CEP170: variants seen among roughly 807,000 people sequenced by gnomAD.
The protein encoded by CEP170 is centrosomal protein of 170 kDa.
In CEP170, 21 loss-of-function variants were observed where a neutral mutation model predicts 151.9. That is an observed-to-expected ratio of 0.14 (90% CI 0.10 to 0.20). The LOEUF is 0.20. Ranked by LOEUF, CEP170 falls within the 10% of genes least tolerant of loss-of-function variation. The pLI is 1.00. For missense variants in CEP170, 964 were observed against 1,892.9 expected (o/e 0.51, Z 9.11); for synonymous variants, 356 against 648.8 (o/e 0.55, Z 6.86).
At position 243,169,686 on chromosome 1, in the gene CEP170, T is replaced by C. The variant is rs1451313398; in HGVS notation, c.1785A>G (p.Thr595=). 5 of 1,613,608 alleles carry C rather than the reference T, an allele frequency of 3.1e-6. No individual in the cohort carries two copies. In the Admixed American group the frequency reaches 5.0e-5, roughly 16 times the overall value. Residue 595 remains threonine, a synonymous_variant, in exon 12 of 20, where the codon ACA becomes ACG. Coordinates refer to ENST00000366542, the MANE Select transcript of CEP170 (RefSeq NM_014812.3). ...SQWASLAANH[T]RHDQEERIME... ...TTATCCTTTCTTCTTGATCATGCCT[T>C]GTATGATTGGCAGCCAAACTAGCCC... is the stretch of plus-strand genomic sequence containing the variant.
chr1:243,252,245 A>G (rs1417760476), intron 1 of CEP170, among the ~76,000 whole-genome samples: 1 of 152,224 alleles, frequency 6.6e-6, no homozygotes, highest in Non-Finnish European at 1.5e-5. Context: ...TTAGTTAGCA[A>G]TTAAATATCA....
intron 14 of CEP170, among the ~76,000 whole-genome samples, chr1:243,154,709 C>T (rs1393785147): frequency 6.6e-6 from 1 of 152,222 alleles, no homozygotes; most frequent in African/African-American, 2.4e-5. Flanking sequence ...ATAATAGTAA[C>T]ACTATGCACA....
chr1:243,169,131 A>G (rs11583980), intron 12 of CEP170: 2,963 of 155,454 alleles, frequency 0.019, 43 homozygotes, highest in Middle Eastern at 0.027. Context: ...AGTCAAAATC[A>G]TATCTTAAGA....
chr1:243,241,020 C>CA (rs1404631774), intron 1 of CEP170, among the ~76,000 whole-genome samples: 1 of 152,102 alleles, frequency 6.6e-6, no homozygotes, highest in Non-Finnish European at 1.5e-5. Context: ...CAACAAAGTG[C>CA]TTAATATTCC....
At position 243,243,807 on chromosome 1, in the gene CEP170, G is replaced by A. The variant is rs183597889; in HGVS notation, c.-42+11233C>T. The stretch of plus-strand genomic sequence containing the variant: ...TCCCAAAGTATTGAGATCACAGGCA[G>A]GAGCCACCACGCCCGTCCATCATTC... On this transcript the variant is annotated intron_variant, in intron 1 of 19. Transcript: ENST00000366542. Among the ~76,000 whole-genome samples, 127 of 152,058 alleles carry A rather than the reference G, an allele frequency of 8.4e-4. 1 individual carries two copies. The highest frequency in any genetic ancestry group is 1.5e-3 in the Non-Finnish European group (99 of 67,958).
intron 10 of CEP170, among the ~76,000 whole-genome samples, chr1:243,175,409 G>T (rs1205257622): frequency 6.6e-6 from 1 of 152,188 alleles, no homozygotes; most frequent in Non-Finnish European, 1.5e-5. Context: ...TGTTTTGATA[G>T]CGTTTTGAAA....
chr1:243,159,801 G>GTGTGTGTGTGTGTGTGTGTGTT (rs1170946413), intron 13 of CEP170, among the ~76,000 whole-genome samples: 6 of 150,848 alleles, frequency 4.0e-5, no homozygotes, highest in South Asian at 2.1e-4. Context: ...GTGTGTGTGT[G>GTGTGTGTGTGTGTGTGTGTGTT]TTTTTGAGAT....
intron 1 of CEP170, among the ~76,000 whole-genome samples, chr1:243,240,127 A>G (rs775770985): frequency 5.3e-5 from 8 of 152,178 alleles, no homozygotes; most frequent in Admixed American, 1.3e-4. Flanking sequence ...TCTGGCCAAC[A>G]TGGTGAAACC....
intron 7 of CEP170, among the ~76,000 whole-genome samples, chr1:243,195,184 G>C (rs908334429): frequency 7.5e-4 from 113 of 151,540 alleles, no homozygotes; most frequent in Non-Finnish European, 1.0e-3. Context: ...GCTACGACTT[G>C]AAAATTTCCA....
intron 1 of CEP170, among the ~76,000 whole-genome samples, chr1:243,236,257 T>C (rs961625384): frequency 2.6e-5 from 4 of 152,184 alleles, no homozygotes; most frequent in African/African-American, 9.7e-5. Context: ...AGCTACCAAA[T>C]ATGGGGCTTT....
intron 15 of CEP170, chr1:243,140,324 A>C (rs1237545085): frequency 1.9e-5 from 11 of 592,800 alleles, no homozygotes. Flanking sequence ...TTTTATTTTC[A>C]AAATCCAAAA....
At position 243,165,967 on chromosome 1, in the gene CEP170, G is replaced by C; in HGVS notation, c.1993C>G (p.Gln665Glu). ...TGTTTTTCTCCTATCTCTGACCTCT[G>C]TGTTACAACCTTTGCTCTGTGGCTC... Reference protein sequence around the residue: ...LESHRAKVVTQRSEIGEKQDT... With the variant: ...LESHRAKVVTERSEIGEKQDT... The change falls in exon 13 of 20, where the codon CAG (glutamine) becomes GAG (glutamate). Residue 665 changes from glutamine (Q) to glutamate (E), a missense_variant. Gln to Glu is a conservative substitution (Grantham distance 29, BLOSUM62 2). Coordinates refer to ENST00000366542, the MANE Select transcript of CEP170 (RefSeq NM_014812.3). 3.1e-6 allele frequency: 5 copies of C among 1,613,562 alleles called. No individual in the cohort carries two copies. Among genetic ancestry groups the C allele is most frequent in the Non-Finnish European group, 4.2e-6 (5 of 1,179,688 alleles).
chr1:243,192,810 G>A (rs969039933), intron 7 of CEP170, among the ~76,000 whole-genome samples: 1 of 152,172 alleles, frequency 6.6e-6, no homozygotes, highest in Non-Finnish European at 1.5e-5. Context: ...GAATGATATA[G>A]TAACATCTCT....
chr1:243,175,747 C>G (rs899552255), intron 10 of CEP170, among the ~76,000 whole-genome samples: 6 of 152,180 alleles, frequency 3.9e-5, no homozygotes, highest in African/African-American at 1.4e-4. Context: ...TACCAACTAT[C>G]TAGACTGTTG....
chr1:243,178,786 T>C (rs1332258334), intron 10 of CEP170, among the ~76,000 whole-genome samples: 1 of 152,032 alleles, frequency 6.6e-6, no homozygotes, highest in African/African-American at 2.4e-5. Flanking sequence ...TGGCACAATC[T>C]TGGCTCACTG....
At chr1:243,219,620 C>T (rs1028089483) in intron 3 of CEP170, among the ~76,000 whole-genome samples, 9 of 152,146 alleles carry the variant, frequency 5.9e-5, no homozygotes, top group African/African-American at 1.7e-4. Context: ...ATGTAATTCC[C>T]GCTGCTTATT....
At chr1:243,203,438 G>A (rs1222966273) in intron 4 of CEP170, among the ~76,000 whole-genome samples, 3 of 152,064 alleles carry the variant, frequency 2.0e-5, no homozygotes, top group Non-Finnish European at 4.4e-5. Flanking sequence ...CTGAATACTA[G>A]TAATGTGTTC....
intron 3 of CEP170, among the ~76,000 whole-genome samples, chr1:243,216,678 T>G (rs2148949215): frequency 6.6e-6 from 1 of 152,292 alleles, no homozygotes; most frequent in Non-Finnish European, 1.5e-5. Flanking sequence ...CAATCTTAGT[T>G]TCAAGCATAT....
chr1:243,245,475 G>A (rs61833887), intron 1 of CEP170, among the ~76,000 whole-genome samples: 7,430 of 152,072 alleles, frequency 0.049, 222 homozygotes, highest in Middle Eastern at 0.16. Flanking sequence ...CAGCACTTTG[G>A]GAGGCCAAGG....
Sources: gnomAD v4.1 joint callset for allele counts (sites outside exome capture counted in the v4.1 genomes callset) on GRCh38, gnomAD v4.1.1 for gene constraint, MANE v1.5 for transcripts, NCBI Gene and HGNC (gene_info 2026-07-23, HGNC 2026-07-21) for gene names.